CACNA1B: variants seen among roughly 807,000 people sequenced by gnomAD.
CACNA1B encodes the protein calcium voltage-gated channel subunit alpha1 B.
A neutral mutation model predicts 247.2 loss-of-function variants in CACNA1B; 70 were observed. That is an observed-to-expected ratio of 0.28 (90% CI 0.23 to 0.35). CACNA1B has a LOEUF of 0.35. Ranked by LOEUF, CACNA1B falls within the 10% of genes least tolerant of loss-of-function variation. CACNA1B has a pLI of 1.00. For missense variants in CACNA1B, 2,367 were observed against 3,197.4 expected (o/e 0.74, Z 6.26); for synonymous variants, 1,231 against 1,294.4 (o/e 0.95, Z 1.05).
rs745521840 is a variant in CACNA1B at position 138,025,075 on chromosome 9, C to T, written c.3189C>T (p.Asn1063=). 5.0e-6 allele frequency: 8 copies of T among 1,612,966 alleles called. No individual in the cohort carries two copies. Among genetic ancestry groups the T allele is most frequent in the South Asian group, 2.2e-5 (2 of 90,746 alleles). ...EQPEDADNQR[N]VTRMGSQPPD... Reference sequence around the variant, plus strand: ...CAGAGGATGCAGACAATCAGCGGAACGTCACTCGCATGGGCAGTCAGCCCC... The same window carrying T: ...CAGAGGATGCAGACAATCAGCGGAATGTCACTCGCATGGGCAGTCAGCCCC... Residue 1063 remains asparagine (N), a synonymous_variant, in exon 20 of 47, where the codon AAC becomes AAT. Coordinates refer to ENST00000371372, the MANE Select transcript of CACNA1B (RefSeq NM_000718.4).
At chr9:138,079,604 G>C (rs1426571858) in intron 36 of CACNA1B, among the ~76,000 whole-genome samples, 4 of 151,972 alleles carry the variant, frequency 2.6e-5, no homozygotes, top group African/African-American at 7.3e-5. Flanking sequence ...TTAGCTAGAC[G>C]TGGTGGCAGG....
chr9:138,004,744 GACTACTATCCACAATATACAAGGA>G (rs1240202119), intron 15 of CACNA1B, among the ~76,000 whole-genome samples: 1 of 151,930 alleles, frequency 6.6e-6, no homozygotes, highest in African/African-American at 2.4e-5. Flanking sequence ...TCCAACAAGG[GACTACTATCCACAATATACAAGGA>G]ACTCAAACAA....
At position 138,052,926 on chromosome 9, in the gene CACNA1B, C is replaced by T. The variant is rs1459956538; in HGVS notation, c.3807+738C>T. 1.3e-5 allele frequency among the ~76,000 whole-genome samples: 2 copies of T among 152,188 alleles called. No individual in the cohort carries two copies. Among genetic ancestry groups the T allele is most frequent in the African/African-American group, 2.4e-5 (1 of 41,436 alleles). ...GGAGACGGTTGTGGCCCCACCTTCC[C>T]GTCACAGCTAGATCAGAGCAGCCTG... On this transcript the variant is annotated intron_variant, in intron 25 of 46. Coordinates refer to ENST00000371372, the MANE Select transcript of CACNA1B (RefSeq NM_000718.4). The surrounding 1 kb of genome is among the most constrained non-coding windows in gnomAD (Gnocchi z 5.1).
chr9:137,956,299 A>C (rs1216085232), intron 8 of CACNA1B, among the ~76,000 whole-genome samples: 1 of 152,160 alleles, frequency 6.6e-6, no homozygotes, highest in Non-Finnish European at 1.5e-5. Flanking sequence ...TCCTCTTCAC[A>C]GGGGACTGTC....
intron 6 of CACNA1B, among the ~76,000 whole-genome samples, chr9:137,926,612 GT>G (rs929491877): frequency 3.7e-4 from 57 of 152,252 alleles, no homozygotes; most frequent in African/African-American, 1.3e-3. Context: ...CTGCTGTATC[GT>G]TTTGCACAAT....
Position 138,121,581 on chromosome 9 carries a change from T to C in CACNA1B, c.6602T>C (p.Ile2201Thr). 2 of 1,611,958 alleles carry C rather than the reference T, an allele frequency of 1.2e-6. No individual in the cohort carries two copies. Among genetic ancestry groups the C allele is most frequent in the Non-Finnish European group, 1.7e-6 (2 of 1,178,680 alleles). ...PQTPLTPRPS[I>T]TYKTANSSPI... The stretch of plus-strand genomic sequence containing the variant: ...ACGCCCCTGACTCCCCGCCCCAGCA[T>C]CACCTACAAGACGGCCAACTCCTCA... Residue 2201 changes from isoleucine to threonine, a missense_variant, in exon 47 of 47, where the codon ATC becomes ACC. By Grantham distance (89) the Ile-to-Thr change is moderately conservative. Around this residue, in one of 12 missense-constraint regions of CACNA1B, gnomAD observed 773 missense variants for 779.4 expected, o/e 0.99. Transcript: ENST00000371372. The surrounding 1 kb of genome is among the most constrained non-coding windows in gnomAD (Gnocchi z 6.8).
chr9:137,908,243 C>T (rs1314131439), intron 3 of CACNA1B, among the ~76,000 whole-genome samples: 3 of 152,150 alleles, frequency 2.0e-5, no homozygotes, highest in South Asian at 2.1e-4. Flanking sequence ...AGGCTGGGCG[C>T]GGTGGCTCAC....
At chr9:138,107,107 A>G (rs1490867579) in intron 39 of CACNA1B, among the ~76,000 whole-genome samples, 1 of 152,044 alleles carries the variant, frequency 6.6e-6, no homozygotes, top group Non-Finnish European at 1.5e-5. Flanking sequence ...ACCTATTCCC[A>G]TGGCTTTAAA....
In CACNA1B at chr9:137,973,455, T is replaced by G. The variant is rs1372280753; in HGVS notation, c.1543+1863T>G. ...CCATTCTCCAAGGACCTGCCCTCAA[T>G]GCATTGCCAGAACCTTCAAAATTGA... is the stretch of plus-strand genomic sequence containing the variant. On this transcript the variant is annotated intron_variant, in intron 11 of 46. Coordinates refer to ENST00000371372, the MANE Select transcript of CACNA1B (RefSeq NM_000718.4). This position sits in a 1 kb window ranked among gnomAD's most constrained non-coding sequence, Gnocchi z 4.1. Among the ~76,000 whole-genome samples, 2 of 152,184 alleles carry G rather than the reference T, an allele frequency of 1.3e-5. No individual in the cohort carries two copies. The highest frequency in any genetic ancestry group is 3.9e-4 in the East Asian group (2 of 5,188).
At chr9:138,023,860 G>A in intron 19 of CACNA1B, 49 bp downstream of exon 19, 1 of 942,352 alleles carries the variant, frequency 1.1e-6, no homozygotes, top group Non-Finnish European at 1.7e-6. Context: ...TGGCCGGGGC[G>A]GCGCGGGCCC....
chr9:138,097,707 C>A (rs1306770390), intron 37 of CACNA1B, among the ~76,000 whole-genome samples: 1 of 152,184 alleles, frequency 6.6e-6, no homozygotes, highest in Non-Finnish European at 1.5e-5. Flanking sequence ...CTGCCCAGGC[C>A]CCCTCGCACT....
intron 15 of CACNA1B, among the ~76,000 whole-genome samples, chr9:137,992,681 T>C (rs867813162): frequency 6.6e-5 from 10 of 151,846 alleles, no homozygotes; most frequent in Admixed American, 3.9e-4. Context: ...ATGGACCATA[T>C]GATAGGCCAC....
chr9:137,990,516 G>T lies in CACNA1B; in HGVS notation c.1974+3662G>T, dbSNP rs958453446. 3.3e-5 allele frequency among the ~76,000 whole-genome samples: 5 copies of T among 152,078 alleles called. No individual in the cohort carries two copies. The highest frequency in any genetic ancestry group is 1.3e-4 in the Admixed American group (2 of 15,256). ...CCTCAGCTGATGCTCTCTTGAAAGCGCCACCTCCTGGCTGGAGGCCAACCA... is the reference window on the plus strand; with the variant it reads ...CCTCAGCTGATGCTCTCTTGAAAGCTCCACCTCCTGGCTGGAGGCCAACCA... On this transcript the variant is annotated intron_variant, in intron 15 of 46. Coordinates refer to ENST00000371372, the MANE Select transcript of CACNA1B (RefSeq NM_000718.4). This position sits in a 1 kb window ranked among gnomAD's most constrained non-coding sequence, Gnocchi z 4.5.
chr9:138,120,827 C>T lies in CACNA1B; in HGVS notation c.6435C>T (p.Leu2145=), dbSNP rs780438709. Residue 2145 remains leucine (L), a synonymous_variant, in exon 46 of 47, where the codon CTC becomes CTT. Coordinates refer to ENST00000371372, the MANE Select transcript of CACNA1B (RefSeq NM_000718.4). ...AGCCCCCGAAGCCCAAGCCCTCCCT[C>T]AGCAGCCACCCAACGTCGCCAACAG... ...GREPPKPKPS[L]SSHPTSPTAG... 4 of 1,569,504 alleles carry T rather than the reference C, an allele frequency of 2.5e-6. No individual in the cohort carries two copies. The highest frequency in any genetic ancestry group is 1.4e-5 in the African/African-American group (1 of 73,762).
At chr9:137,938,457 G>A (rs1957695115) in intron 6 of CACNA1B, among the ~76,000 whole-genome samples, 1 of 152,084 alleles carries the variant, frequency 6.6e-6, no homozygotes, top group Non-Finnish European at 1.5e-5. Context: ...CCACTTAAAA[G>A]ATACAGAATG....
In CACNA1B at chr9:138,007,469, C is replaced by T. The variant is rs952033726; in HGVS notation, c.2092+585C>T. On this transcript the variant is annotated intron_variant, in intron 16 of 46. Transcript: ENST00000371372. The surrounding 1 kb of genome is among the most constrained non-coding windows in gnomAD (Gnocchi z 4.1). Reference sequence around the variant, plus strand: ...CAAGGAAGATCTGGAGGGAGAACTACAGCATTCGTGGTATAGGCAAGGGTG... The same window carrying T: ...CAAGGAAGATCTGGAGGGAGAACTATAGCATTCGTGGTATAGGCAAGGGTG... Among the ~76,000 whole-genome samples, 3 of 152,150 alleles carry T rather than the reference C, an allele frequency of 2.0e-5. No homozygotes were observed. The highest frequency in any genetic ancestry group is 6.5e-5 in the Admixed American group (1 of 15,278).
chr9:137,995,767 A>G (rs1958492334), intron 15 of CACNA1B, among the ~76,000 whole-genome samples: 1 of 152,266 alleles, frequency 6.6e-6, no homozygotes, highest in African/African-American at 2.4e-5. Context: ...AAATTTTCAC[A>G]ATCAATACAT....
Position 138,111,755 on chromosome 9 carries a change from G to A in CACNA1B, c.5429-643G>A, listed in dbSNP as rs143812778. Among the ~76,000 whole-genome samples, 1,300 of 141,824 alleles carry A rather than the reference G, an allele frequency of 9.2e-3. 12 individuals are homozygous for A. Among genetic ancestry groups the A allele is most frequent in the African/African-American group, 0.026 (1,035 of 39,360 alleles). The allele number at this position is 141,824 out of a possible 152,430, so 93.0% of individuals were successfully genotyped here. A position where few individuals can be genotyped will look rare whatever the true frequency, so the allele number is the denominator to read the frequency against. ...CCCACCCCTCCATCCACCCTGCCCC[G>A]AGGCCTCCCTGGCCCTTCGGGTGAC... On this transcript the variant is annotated intron_variant, in intron 39 of 46. Coordinates refer to ENST00000371372, the MANE Select transcript of CACNA1B (RefSeq NM_000718.4).
chr9:137,916,152 C>T (rs1957408509), intron 5 of CACNA1B, among the ~76,000 whole-genome samples: 1 of 151,638 alleles, frequency 6.6e-6, no homozygotes, highest in Non-Finnish European at 1.5e-5. Flanking sequence ...CCTGCCTCAG[C>T]CTCCCGAGTA....
Sources: allele counts gnomAD v4.1 joint callset (sites outside exome capture counted in the v4.1 genomes callset), GRCh38; gene constraint gnomAD v4.1.1; regional missense constraint gnomAD v4.1.1; non-coding constraint Gnocchi (gnomAD v3.1); transcripts MANE v1.5; gene names NCBI Gene and HGNC (gene_info 2026-07-23, HGNC 2026-07-21).